The following GLRA2 variants were observed in gnomAD, a reference collection of about 807,000 sequenced individuals.
GLRA2 encodes the protein glycine receptor subunit alpha-2.
In GLRA2, 11 loss-of-function variants were observed where a neutral mutation model predicts 31.6. The ratio of observed to expected loss-of-function variants is 0.35; its 90% CI spans 0.22 to 0.58. GLRA2 has a LOEUF of 0.58. Ranked by LOEUF, GLRA2 falls within the 20% of genes least tolerant of loss-of-function variation. The pLI, the probability that GLRA2 is intolerant of heterozygous loss-of-function variation, is 0.84. For synonymous variants in GLRA2, 132 were observed against 134.0 expected (o/e 0.99, Z 0.10); for missense variants, 212 against 351.8 (o/e 0.60, Z 3.18).
At chrX:14,608,557 TTATATGCTATATAG>T (rs200643980) in intron 6 of GLRA2, among the ~76,000 whole-genome samples, 2,685 of 110,712 alleles carry the variant, frequency 0.024, 39 homozygotes, top group Non-Finnish European at 0.04. Context: ...GTGTTACATA[TTATATGCTATATAG>T]TATATGCTAT....
At chrX:14,624,758 GCTTA>G (rs1169501644) in intron 7 of GLRA2, among the ~76,000 whole-genome samples, 1 of 111,698 alleles carries the variant, frequency 9.0e-6, no homozygotes, top group Admixed American at 9.5e-5. Context: ...GCTGAGGAGT[GCTTA>G]CTTCCAACTA....
chrX:14,542,436 C>T (rs1311243148), intron 2 of GLRA2, among the ~76,000 whole-genome samples: 1 of 111,294 alleles, frequency 9.0e-6, no homozygotes, highest in Non-Finnish European at 1.9e-5. Flanking sequence ...CTCTTTAAAC[C>T]AGCCAGAATC....
intron 7 of GLRA2, among the ~76,000 whole-genome samples, chrX:14,626,353 CTG>C (rs1379700653): frequency 8.9e-6 from 1 of 112,211 alleles, no homozygotes; most frequent in African/African-American, 3.2e-5. Context: ...ATTTTCTAGA[CTG>C]TGAAATCCCT....
chrX:14,562,821 C>G (rs1211774064), intron 2 of GLRA2, among the ~76,000 whole-genome samples: 2 of 111,500 alleles, frequency 1.8e-5, no homozygotes, highest in African/African-American at 6.5e-5. Flanking sequence ...TAGACCTTAT[C>G]TCCAAATATG....
At chrX:14,641,006 C>T (rs2090766367) in intron 7 of GLRA2, among the ~76,000 whole-genome samples, 1 of 111,222 alleles carries the variant, frequency 9.0e-6, no homozygotes, top group Non-Finnish European at 1.9e-5. Context: ...GTTCCAATTG[C>T]TCCACATCCA....
chrX:14,591,506 G>A (rs1036429660), intron 4 of GLRA2, among the ~76,000 whole-genome samples: 3 of 111,803 alleles, frequency 2.7e-5, no homozygotes, highest in Non-Finnish European at 5.6e-5. Flanking sequence ...GATGAAGACC[G>A]GAAGACTCAG....
In GLRA2 at chrX:14,681,891, C is replaced by CAAAA. The variant is rs1157722406; in HGVS notation, c.931-8802_931-8799dup. Among the ~76,000 whole-genome samples the CAAAA allele has an allele frequency of 3.4e-4, 9 of 26,673 alleles. 1 individual carries two copies. Among genetic ancestry groups the CAAAA allele is most frequent in the Non-Finnish European group, 6.6e-4 (8 of 12,210 alleles). 23.2% of individuals were successfully genotyped at this position (26,673 alleles called of 115,157 possible). On this transcript the variant is annotated intron_variant, in intron 7 of 8. Transcript: ENST00000218075. ...TGGGCAACAGTGCGAGACACCATCT[C>CAAAA]AAAAAAAAAAAAAAAAAAAATATAT...
chrX:14,719,860 T>G (rs748559238), intron 8 of GLRA2, among the ~76,000 whole-genome samples: 2 of 112,270 alleles, frequency 1.8e-5, no homozygotes, highest in South Asian at 7.3e-4. Flanking sequence ...TGGAGTACTA[T>G]TCAGTCTTAA....
chrX:14,554,572 A>G (rs1184325138), intron 2 of GLRA2, among the ~76,000 whole-genome samples: 1 of 111,869 alleles, frequency 8.9e-6, no homozygotes, highest in Non-Finnish European at 1.9e-5. Flanking sequence ...AAGAGCAATA[A>G]TCTCTTTCTT....
chrX:14,653,845 C>T (rs1399396429), intron 7 of GLRA2, among the ~76,000 whole-genome samples: 2 of 112,519 alleles, frequency 1.8e-5, no homozygotes, highest in East Asian at 5.6e-4. Flanking sequence ...AAATTGCCAG[C>T]TGGGCACAGT....
At chrX:14,522,615 G>A in the GLRA2 span, among the ~76,000 whole-genome samples, 4 of 112,249 alleles carry the variant, frequency 3.6e-5, no homozygotes, top group African/African-American at 1.3e-4. Flanking sequence ...TAAATAATAA[G>A]ACTTGAAAGT....
intron 8 of GLRA2, among the ~76,000 whole-genome samples, chrX:14,719,869 A>T (rs1424027228): frequency 1.8e-5 from 2 of 112,296 alleles, no homozygotes; most frequent in Non-Finnish European, 3.8e-5. Flanking sequence ...ATTCAGTCTT[A>T]AAAAAATCAA....
At chrX:14,568,692 CAA>C (rs1390018705) in intron 2 of GLRA2, among the ~76,000 whole-genome samples, 2 of 23,516 alleles carry the variant, frequency 8.5e-5, no homozygotes, top group African/African-American at 2.3e-4. Context: ...GACTCTGTCT[CAA>C]AAAAAAAAAA....
At chrX:14,520,878 T>C in the GLRA2 span, among the ~76,000 whole-genome samples, 1 of 113,097 alleles carries the variant, frequency 8.8e-6, no homozygotes, top group Non-Finnish European at 1.9e-5. Context: ...CCAATGCTTG[T>C]AGCAGCCTGC....
the GLRA2 span, among the ~76,000 whole-genome samples, chrX:14,478,763 CT>C: frequency 1.8e-5 from 2 of 112,029 alleles, no homozygotes; most frequent in African/African-American, 6.5e-5. Context: ...TATTTTCTTC[CT>C]GTTATAGCCT....
At chrX:14,588,305 T>C (rs1193744474) in intron 4 of GLRA2, among the ~76,000 whole-genome samples, 1 of 112,118 alleles carries the variant, frequency 8.9e-6, no homozygotes, top group Non-Finnish European at 1.9e-5. Context: ...GTTTCATTCT[T>C]CTGCATATGG....
the GLRA2 span, among the ~76,000 whole-genome samples, chrX:14,521,183 C>T: frequency 2.1e-3 from 234 of 111,963 alleles, no homozygotes; most frequent in Non-Finnish European, 3.2e-3. Flanking sequence ...TTAAGAAATA[C>T]CTAGAGAATT....
intron 7 of GLRA2, among the ~76,000 whole-genome samples, chrX:14,615,063 A>G (rs771803358): frequency 5.4e-5 from 6 of 111,767 alleles, no homozygotes; most frequent in Non-Finnish European, 1.1e-4. Flanking sequence ...TTTAGTAAAA[A>G]TGCTGAGGCA....
chrX:14,574,581 A>C, intron 3 of GLRA2, 181 bp downstream of exon 3: 1 of 1,100,545 alleles, frequency 9.1e-7, no homozygotes, highest in Non-Finnish European at 1.3e-6. Flanking sequence ...TGAGCATTGA[A>C]GCCATCGTGT....
Sources: allele counts gnomAD v4.1 joint callset (sites outside exome capture counted in the v4.1 genomes callset), GRCh38; gene constraint gnomAD v4.1.1; transcripts MANE v1.5; gene names NCBI Gene and HGNC (gene_info 2026-07-23, HGNC 2026-07-21).